Variants in GKAP1 observed in about 807,000 individuals in gnomAD.
GKAP1 encodes G kinase-anchoring protein 1.
A neutral mutation model predicts 56.7 loss-of-function variants in GKAP1; 31 were observed. That is an observed-to-expected ratio of 0.55 (90% CI 0.41 to 0.74). The LOEUF (loss-of-function observed/expected upper bound fraction) is 0.74. Ranked by LOEUF, GKAP1 falls within the 30% of genes least tolerant of loss-of-function variation. The probability of loss-of-function intolerance (pLI) is 0.00; values close to 1 mark genes in which losing one functional copy is unlikely to be tolerated. For missense variants in GKAP1, 364 were observed against 402.3 expected (o/e 0.90, Z 0.82); for synonymous variants, 151 against 138.6 (o/e 1.09, Z -0.63).
At chr9:83,759,261 A>T (rs985501708) in intron 8 of GKAP1, among the ~76,000 whole-genome samples, 11 of 151,706 alleles carry the variant, frequency 7.3e-5, no homozygotes, top group African/African-American at 2.4e-4. Flanking sequence ...TCTATTTTTA[A>T]TTTTTATTTA....
chr9:83,761,444 A>T (rs1181285161), intron 8 of GKAP1, among the ~76,000 whole-genome samples: 1 of 152,104 alleles, frequency 6.6e-6, no homozygotes, highest in Non-Finnish European at 1.5e-5. Flanking sequence ...CAGTAAAGAA[A>T]AGCCCAGGAT....
chr9:83,816,523 C>T (rs1424992125), intron 2 of GKAP1, among the ~76,000 whole-genome samples: 6 of 152,226 alleles, frequency 3.9e-5, no homozygotes, highest in Non-Finnish European at 5.9e-5. Context: ...TGTTATAAAT[C>T]TGTTGAGAAA....
At chr9:83,771,206 G>A (rs374240803) in intron 7 of GKAP1, among the ~76,000 whole-genome samples, 1 of 151,510 alleles carries the variant, frequency 6.6e-6, no homozygotes, top group East Asian at 2.0e-4. Context: ...GGGATTACAG[G>A]CACATGCCAC....
chr9:83,780,362 A>G lies in GKAP1; in HGVS notation c.585+20T>C. 1 of 1,282,532 alleles carries G rather than the reference A, an allele frequency of 7.8e-7. No individual in the cohort carries two copies. Among genetic ancestry groups the G allele is most frequent in the Non-Finnish European group, 1.1e-6 (1 of 933,028 alleles). The allele number at this position is 1,282,532 out of a possible 1,614,324, so 79.4% of individuals were successfully genotyped here. On this transcript the variant is annotated intron_variant, in intron 7 of 12. Coordinates refer to ENST00000376371, the MANE Select transcript of GKAP1 (RefSeq NM_025211.4). ...TAAAATCATCAGTGTTTTCTACAAG[A>G]TGGCTACAATAAGACTTACCTCAGT...
chr9:83,755,201 G>A (rs1340240737), intron 8 of GKAP1, among the ~76,000 whole-genome samples: 4 of 152,252 alleles, frequency 2.6e-5, no homozygotes, highest in Admixed American at 6.5e-5. Flanking sequence ...AGTGTTCATT[G>A]TAGATTTATC....
rs1007817226 is a variant in GKAP1, at chr9:83,739,541, C to G, written c.*156G>C. On this transcript the variant is annotated 3_prime_UTR_variant, in exon 13 of 13. Coordinates refer to ENST00000376371, the MANE Select transcript of GKAP1 (RefSeq NM_025211.4). The stretch of plus-strand genomic sequence containing the variant: ...CTATTTCTTCTTTTTCACTTTAAGC[C>G]AAAAGAAATAAAATTATAGACCATT... 2 of 453,998 alleles carry G rather than the reference C, an allele frequency of 4.4e-6. No homozygotes were observed. The highest frequency in any genetic ancestry group is 7.7e-6 in the Non-Finnish European group (2 of 259,014). 28.1% of individuals were successfully genotyped at this position (453,998 alleles called of 1,614,324 possible).
At position 83,815,242 on chromosome 9, in the gene GKAP1, A is replaced by G. The variant is rs184152881; in HGVS notation, c.-44+1754T>C. 2.6e-5 allele frequency among the ~76,000 whole-genome samples: 4 copies of G among 152,154 alleles called. No individual in the cohort carries two copies. In the East Asian group the frequency reaches 7.7e-4, roughly 29 times the overall value. On this transcript the variant is annotated intron_variant, in intron 2 of 12. Transcript: ENST00000376371. ...TTGGCTGCTTAAGTAAACTGCTTCT[A>G]AAAATGAATAGCCTAAGCTACAAGC...
At position 83,780,023 on chromosome 9, in the gene GKAP1, T is replaced by C. The variant is rs1943944154; in HGVS notation, c.585+359A>G. Among the ~76,000 whole-genome samples, 4 of 152,024 alleles carry C rather than the reference T, an allele frequency of 2.6e-5. No individual in the cohort carries two copies. The South Asian group carries it at 8.3e-4, about 31-fold the overall frequency. On this transcript the variant is annotated intron_variant, in intron 7 of 12. Transcript: ENST00000376371. Reference sequence around the variant, plus strand: ...CATAATTCCAAAATAATATGAGACATCTTCTCAGGATAAGTTTTTAATAAA... The same window carrying C: ...CATAATTCCAAAATAATATGAGACACCTTCTCAGGATAAGTTTTTAATAAA...
In GKAP1 at chr9:83,765,740, CCT is replaced by C. The variant is rs956770489; in HGVS notation, c.738+3076_738+3077del. On this transcript the variant is annotated intron_variant, in intron 8 of 12. Coordinates refer to ENST00000376371, the MANE Select transcript of GKAP1 (RefSeq NM_025211.4). ...TCAGACTTGCATGGGGCCTGTAGCC[CCT>C]CTGTTTTGGCCAATTTCTCCCATTT... 1.1e-4 allele frequency among the ~76,000 whole-genome samples: 16 copies of C among 152,262 alleles called. 1 individual carries two copies. The highest frequency in any genetic ancestry group is 3.4e-3 in the Middle Eastern group (1 of 294).
intron 2 of GKAP1, among the ~76,000 whole-genome samples, chr9:83,816,551 T>A (rs2131336853): frequency 6.6e-6 from 1 of 152,388 alleles, no homozygotes; most frequent in South Asian, 2.1e-4. Context: ...TAGACTTCTA[T>A]GAAGATTTTT....
chr9:83,766,879 C>T (rs1943672598), intron 8 of GKAP1, among the ~76,000 whole-genome samples: 1 of 151,948 alleles, frequency 6.6e-6, no homozygotes, highest in South Asian at 2.1e-4. Context: ...TTAAAACAGG[C>T]AAGGCAGACA....
intron 4 of GKAP1, among the ~76,000 whole-genome samples, chr9:83,790,285 T>C (rs1055712629): frequency 1.3e-5 from 2 of 152,138 alleles, no homozygotes; most frequent in African/African-American, 2.4e-5. Context: ...CTGAAAAGAA[T>C]TGAAGAATTA....
intron 7 of GKAP1, among the ~76,000 whole-genome samples, chr9:83,780,144 A>C (rs900176642): frequency 6.6e-6 from 1 of 152,094 alleles, no homozygotes; most frequent in East Asian, 1.9e-4. Flanking sequence ...ATATATATAC[A>C]AATTAGGATG....
intron 4 of GKAP1, among the ~76,000 whole-genome samples, chr9:83,798,437 T>C (rs920801324): frequency 2.0e-5 from 3 of 152,156 alleles, no homozygotes; most frequent in African/African-American, 7.2e-5. Flanking sequence ...GAACAAAATA[T>C]CATGTAAACA....
At chr9:83,807,801 T>C (rs1430217180) in intron 2 of GKAP1, among the ~76,000 whole-genome samples, 1 of 152,216 alleles carries the variant, frequency 6.6e-6, no homozygotes, top group Non-Finnish European at 1.5e-5. Context: ...ACCCTATTCA[T>C]TGCAGGAAAG....
intron 5 of GKAP1, among the ~76,000 whole-genome samples, chr9:83,786,885 T>G (rs574516457): frequency 2.1e-4 from 32 of 152,296 alleles, no homozygotes; most frequent in Admixed American, 1.0e-3. Flanking sequence ...CCTTCTAGCT[T>G]TAGAATCTAG....
chr9:83,807,488 T>C (rs1324423311), intron 2 of GKAP1, among the ~76,000 whole-genome samples: 2 of 152,218 alleles, frequency 1.3e-5, no homozygotes, highest in Non-Finnish European at 1.5e-5. Flanking sequence ...TTTTGAAATG[T>C]TTCAGGTAAA....
chr9:83,759,660 G>C (rs1056724908), intron 8 of GKAP1, among the ~76,000 whole-genome samples: 2 of 152,040 alleles, frequency 1.3e-5, no homozygotes, highest in South Asian at 2.1e-4. Flanking sequence ...AGAATTTCTA[G>C]AACATAAGGT....
In GKAP1 at chr9:83,803,377, C is replaced by T. The variant is rs530674690; in HGVS notation, c.216+2925G>A. ...GCCTGATTCTCCTGCCTCAGCCTGC[C>T]GAGTGCCTGCGATTGCAGGCGTGTG... On this transcript the variant is annotated intron_variant, in intron 3 of 12. Coordinates refer to ENST00000376371, the MANE Select transcript of GKAP1 (RefSeq NM_025211.4). Among the ~76,000 whole-genome samples, 69 of 151,452 alleles carry T rather than the reference C, an allele frequency of 4.6e-4. No homozygotes were observed. In the South Asian group the frequency reaches 0.014, roughly 30 times the overall value.
Sources: gnomAD v4.1 joint callset for allele counts (sites outside exome capture counted in the v4.1 genomes callset) on GRCh38, gnomAD v4.1.1 for gene constraint, MANE v1.5 for transcripts, NCBI Gene and HGNC (gene_info 2026-07-23, HGNC 2026-07-21) for gene names.